N4BP1: variants seen among roughly 807,000 people sequenced by gnomAD.
N4BP1 encodes the protein NEDD4-binding protein 1.
Under a neutral mutation model 70.9 loss-of-function variants are expected in N4BP1, and 21 were observed. That is an observed-to-expected ratio of 0.30 (90% confidence interval 0.21 to 0.43). The LOEUF (loss-of-function observed/expected upper bound fraction) is 0.43, where lower values mean the gene tolerates loss of function less well. N4BP1 is among the 20% of genes least tolerant of loss of function. N4BP1 has a pLI of 1.00. For missense variants in N4BP1, 936 were observed against 1,069.4 expected (o/e 0.88, Z 1.74); for synonymous variants, 387 against 394.6 (o/e 0.98, Z 0.23).
chr16:48,550,209 T>C (rs1963646579), intron 4 of N4BP1, among the ~76,000 whole-genome samples: 1 of 152,118 alleles, frequency 6.6e-6, no homozygotes, highest in Non-Finnish European at 1.5e-5. Flanking sequence ...CTCAATAAAG[T>C]TTTTAGAAAA....
Position 48,539,710 on chromosome 16 carries a change from C to A in N4BP1, c.*3194G>T, listed in dbSNP as rs571313743. 6.6e-6 allele frequency: 1 copy of A among 152,348 alleles called. No homozygotes were observed. The highest frequency in any genetic ancestry group is 2.4e-5 in the African/African-American group (1 of 41,468). The allele number at this position is 152,348 out of a possible 1,614,324, so 9.4% of individuals were successfully genotyped here. A position where few individuals can be genotyped will look rare whatever the true frequency, so the allele number is the denominator to read the frequency against. On this transcript the variant is annotated 3_prime_UTR_variant, in exon 7 of 7. Transcript: ENST00000262384. ...TTAACACCAGCTGCCCTCTCCACCA[C>A]CACGAGCCCCAAAGGTGGGGAAAAG...
intron 1 of N4BP1, among the ~76,000 whole-genome samples, chr16:48,591,611 C>G (rs998463562): frequency 7.0e-6 from 1 of 143,570 alleles, no homozygotes; most frequent in African/African-American, 2.6e-5. Flanking sequence ...TATCCAAGCT[C>G]TATTATTTTA....
chr16:48,562,487 C>A, intron 1 of N4BP1, 43 bp from the exon 2 acceptor site: 1 of 1,469,142 alleles, frequency 6.8e-7, no homozygotes, highest in East Asian at 2.3e-5. Flanking sequence ...TACAAAAGTT[C>A]CTTATAGCAC....
At position 48,560,946 on chromosome 16, in the gene N4BP1, G is replaced by C. The variant is rs1219926018; in HGVS notation, c.1697C>G (p.Pro566Arg). 3.7e-6 allele frequency: 6 copies of C among 1,614,000 alleles called. No homozygotes were observed. Among genetic ancestry groups the C allele is most frequent in the South Asian group, 1.1e-5 (1 of 91,080 alleles). Residue 566 changes from proline to arginine, a missense_variant, in exon 2 of 7, where the codon CCA becomes CGA. Coordinates refer to ENST00000262384, the MANE Select transcript of N4BP1 (RefSeq NM_153029.4). Reference sequence around the variant, plus strand: ...AACCGAAGGTAACAGCTGGGGCAGTGGCATTGGTGGAGAAAGGGTTGAGCA... The same window carrying C: ...AACCGAAGGTAACAGCTGGGGCAGTCGCATTGGTGGAGAAAGGGTTGAGCA... The part of the protein sequence containing the change: ...PNCSTLSPPM[P>R]LPQLLPSVTD...
chr16:48,598,365 G>A (rs1403311050), intron 1 of N4BP1, among the ~76,000 whole-genome samples: 1 of 152,084 alleles, frequency 6.6e-6, no homozygotes, highest in East Asian at 1.9e-4. Context: ...AATGGCAAAA[G>A]GCAGGGAGGA....
Position 48,541,206 on chromosome 16 carries a change from G to A in N4BP1, c.*1698C>T, listed in dbSNP as rs1198882441. The A allele has an allele frequency of 6.6e-6, 1 of 152,276 alleles. No individual in the cohort carries two copies. Among genetic ancestry groups the A allele is most frequent in the Non-Finnish European group, 1.5e-5 (1 of 68,082 alleles). The allele number at this position is 152,276 out of a possible 1,614,324, so 9.4% of individuals were successfully genotyped here. ...TGCTGGACTGAACCATGAGCCAGAA[G>A]GCCAGAATCACTGCAAGACAGCTCC... On this transcript the variant is annotated 3_prime_UTR_variant, in exon 7 of 7. Coordinates refer to ENST00000262384, the MANE Select transcript of N4BP1 (RefSeq NM_153029.4).
chr16:48,581,684 C>T (rs1964176199), intron 1 of N4BP1, among the ~76,000 whole-genome samples: 1 of 151,998 alleles, frequency 6.6e-6, no homozygotes, highest in African/African-American at 2.4e-5. Context: ...ATTGAAGACA[C>T]AAATAAATGG....
At chr16:48,551,641 C>A (rs1252041930) in intron 3 of N4BP1, among the ~76,000 whole-genome samples, 159 bp from the exon 4 acceptor site, 2 of 151,340 alleles carry the variant, frequency 1.3e-5, no homozygotes, top group African/African-American at 4.9e-5. Flanking sequence ...AAAAAAAAAA[C>A]AAGCAAGACC....
intron 1 of N4BP1, among the ~76,000 whole-genome samples, chr16:48,608,990 G>A (rs1261626526): frequency 6.6e-6 from 1 of 151,516 alleles, no homozygotes; most frequent in African/African-American, 2.4e-5. Flanking sequence ...CGAGATGGGA[G>A]GATGACTTGA....
chr16:48,580,522 T>C (rs1267960874), intron 1 of N4BP1, among the ~76,000 whole-genome samples: 3 of 152,156 alleles, frequency 2.0e-5, no homozygotes, highest in Non-Finnish European at 2.9e-5. Context: ...CTAATGTCAA[T>C]TCTTCTCAAA....
At position 48,595,699 on chromosome 16, in the gene N4BP1, A is replaced by C. The variant is rs1482329067; in HGVS notation, c.198+14076T>G. ...ATTGGAGAAACTGGTTATTTTACCA[A>C]GGCTTTGACTGGAATGGCGTGCTTT... is the stretch of plus-strand genomic sequence containing the variant. On this transcript the variant is annotated intron_variant, in intron 1 of 6. Coordinates refer to ENST00000262384, the MANE Select transcript of N4BP1 (RefSeq NM_153029.4). 2.0e-5 allele frequency among the ~76,000 whole-genome samples: 3 copies of C among 152,340 alleles called. No homozygotes were observed. The East Asian group carries it at 5.8e-4, about 29-fold the overall frequency.
chr16:48,553,576 G>T lies in N4BP1; in HGVS notation c.1983C>A (p.Val661=). Reference sequence around the variant, plus strand: ...GATCACGCCTTGTTCTCCACTGAGGGACAAATACAGTGATGTTTCTGTTGC... The same window carrying T: ...GATCACGCCTTGTTCTCCACTGAGGTACAAATACAGTGATGTTTCTGTTGC... ...KLGNRNITVF[V]PQWRTRRDPN... is the part of the protein sequence containing the mutation. The change falls in exon 3 of 7, where the codon GTC becomes GTA. Residue 661 remains valine (V), a synonymous_variant. Coordinates refer to ENST00000262384, the MANE Select transcript of N4BP1 (RefSeq NM_153029.4). The T allele has an allele frequency of 1.2e-6, 2 of 1,604,734 alleles. No individual in the cohort carries two copies. Among genetic ancestry groups the T allele is most frequent in the South Asian group, 2.3e-5 (2 of 88,194 alleles).
At chr16:48,544,450 C>A (rs1963561777) in intron 6 of N4BP1, among the ~76,000 whole-genome samples, 1 of 152,054 alleles carries the variant, frequency 6.6e-6, no homozygotes, top group South Asian at 2.1e-4. Flanking sequence ...CAGCTTAGAC[C>A]CCCCATCACA....
intron 2 of N4BP1, among the ~76,000 whole-genome samples, chr16:48,558,293 CAAAAAAA>C (rs57285875): frequency 2.0e-5 from 2 of 98,264 alleles, no homozygotes; most frequent in African/African-American, 6.7e-5. Flanking sequence ...ATCAGTTTTC[CAAAAAAA>C]AAAAAAAAAG....
chr16:48,570,116 C>A (rs148888022), intron 1 of N4BP1, among the ~76,000 whole-genome samples: 162 of 142,592 alleles, frequency 1.1e-3, no homozygotes, highest in African/African-American at 4.2e-3. Flanking sequence ...ATTGCCACCA[C>A]ATGATTACTT....
chr16:48,548,314 C>CA (rs1379137683), intron 4 of N4BP1, among the ~76,000 whole-genome samples, 200 bp from the exon 5 acceptor site: 1 of 152,188 alleles, frequency 6.6e-6, no homozygotes, highest in African/African-American at 2.4e-5. Flanking sequence ...AGCGTGATTA[C>CA]AAAATAGATT....
chr16:48,583,636 T>C (rs78886629), intron 1 of N4BP1, among the ~76,000 whole-genome samples: 1 of 152,196 alleles, frequency 6.6e-6, no homozygotes, highest in Admixed American at 6.5e-5. Flanking sequence ...CTTCAAAACA[T>C]CATGGATACA....
intron 1 of N4BP1, among the ~76,000 whole-genome samples, chr16:48,597,257 A>C (rs1430096949): frequency 2.0e-5 from 3 of 152,200 alleles, no homozygotes; most frequent in African/African-American, 7.2e-5. Context: ...GACAAGGTGA[A>C]CCCGTTGGGC....
chr16:48,553,771 G>C (rs1412869143), intron 2 of N4BP1, 102 bp from the exon 3 acceptor site: 3 of 1,012,788 alleles, frequency 3.0e-6, no homozygotes, highest in African/African-American at 1.7e-5. Context: ...CAAACAGTAA[G>C]AACAAAGTTT....
Sources: gnomAD v4.1 joint callset for allele counts (sites outside exome capture counted in the v4.1 genomes callset) on GRCh38, gnomAD v4.1.1 for gene constraint, MANE v1.5 for transcripts, NCBI Gene and HGNC (gene_info 2026-07-23, HGNC 2026-07-21) for gene names.